The following SLC45A1 variants were observed in gnomAD, a reference collection of about 807,000 sequenced individuals.
SLC45A1 encodes proton-associated sugar transporter A.
A neutral mutation model predicts 57.6 loss-of-function variants in SLC45A1; 28 were observed. The observed-to-expected ratio is 0.49, with a 90% CI of 0.36 to 0.67. The LOEUF is 0.67. Ranked by LOEUF, SLC45A1 falls within the 30% of genes least tolerant of loss-of-function variation. The probability of loss-of-function intolerance (pLI) is 0.00; values close to 1 mark genes in which losing one functional copy is unlikely to be tolerated. For missense variants in SLC45A1, 814 were observed against 1,041.5 expected (o/e 0.78, Z 3.01); for synonymous variants, 459 against 471.5 (o/e 0.97, Z 0.34).
Position 8,337,962 on chromosome 1 carries a change from A to G in SLC45A1, c.1744A>G (p.Ile582Val), listed in dbSNP as rs1489069528. The G allele has an allele frequency of 1.9e-6, 3 of 1,614,014 alleles. No homozygotes were observed. Among genetic ancestry groups the G allele is most frequent in the Non-Finnish European group, 2.5e-6 (3 of 1,180,024 alleles). ...GACCATGGGCTGCTGGGGCATGTGT[A>G]TCTACGCCTTCAGTGCTGCCTTCTA... ...GVTMGCWGMC[I>V]YAFSAAFYSA... is the part of the protein sequence containing the mutation. The change falls in exon 7 of 9, where the codon ATC (isoleucine) becomes GTC (valine). Residue 582 changes from isoleucine (I) to valine (V), a missense_variant. By Grantham distance (29) the Ile-to-Val change is conservative. Transcript: ENST00000471889.
At position 8,335,615 on chromosome 1, in the gene SLC45A1, G is replaced by A. The variant is rs368168923; in HGVS notation, c.1597+25G>A. ...GGTGAGCTCCCGGCCAAGCCTCCCC[G>A]TGAGTCCTGGTCCTGCTCAGGGCTC... On this transcript the variant is annotated intron_variant, in intron 6 of 8. Coordinates refer to ENST00000471889, the MANE Select transcript of SLC45A1 (RefSeq NM_001080397.3). The surrounding 1 kb of genome is among the most constrained non-coding windows in gnomAD (Gnocchi z 4.1). 30 of 1,581,288 alleles carry A rather than the reference G, an allele frequency of 1.9e-5. No homozygotes were observed. Among genetic ancestry groups the A allele is most frequent in the African/African-American group, 5.4e-5 (4 of 74,458 alleles).
At position 8,326,220 on chromosome 1, in the gene SLC45A1, C is replaced by T. The variant is rs1207315525; in HGVS notation, c.715+178C>T. On this transcript the variant is annotated intron_variant, in intron 4 of 8. Coordinates refer to ENST00000471889, the MANE Select transcript of SLC45A1 (RefSeq NM_001080397.3). This position sits in a 1 kb window ranked among gnomAD's most constrained non-coding sequence, Gnocchi z 5.5. Reference sequence around the variant, plus strand: ...CTCACACAACACATATCAACCACAACCTATGCTGTTGACACATAAACAACA... The same window carrying T: ...CTCACACAACACATATCAACCACAATCTATGCTGTTGACACATAAACAACA... Among the ~76,000 whole-genome samples, 8 of 152,228 alleles carry T rather than the reference C, an allele frequency of 5.3e-5. No individual in the cohort carries two copies. The East Asian group carries it at 1.3e-3, about 26-fold the overall frequency.
At position 8,344,042 on chromosome 1, in the gene SLC45A1, G is replaced by A. The variant is rs371040756; in HGVS notation, c.*29G>A. 4.1e-5 allele frequency: 65 copies of A among 1,581,136 alleles called. No homozygotes were observed. In the African/African-American group the frequency reaches 4.4e-4, roughly 11 times the overall value. ...CGCGGAGCCTCGACTCCGGACACGC[G>A]CCTGCACCTGGGGGTCTGGAGCAGG... On this transcript the variant is annotated 3_prime_UTR_variant, in exon 9 of 9. Transcript: ENST00000471889.
chr1:8,332,790 C>T (rs1006115835), intron 5 of SLC45A1, among the ~76,000 whole-genome samples: 1 of 152,044 alleles, frequency 6.6e-6, no homozygotes, highest in Non-Finnish European at 1.5e-5. Context: ...GGATTACAGG[C>T]GTGAGCAACC....
intron 8 of SLC45A1, among the ~76,000 whole-genome samples, chr1:8,340,886 G>T (rs1011763579): frequency 6.6e-6 from 1 of 152,096 alleles, no homozygotes; most frequent in African/African-American, 2.4e-5. Context: ...AAAATAATCA[G>T]GCATAAATTA....
chr1:8,322,035 GTGGGTGGGTGGGTGGATGGATGGA>G (rs1557557391), intron 1 of SLC45A1, among the ~76,000 whole-genome samples: 1 of 69,708 alleles, frequency 1.4e-5, no homozygotes, highest in East Asian at 4.5e-4. Flanking sequence ...GGATGGGTGA[GTGGGTGGGTGGGTGGATGGATGGA>G]TGGGTGGGTG....
chr1:8,334,639 G>A (rs1014511177), intron 5 of SLC45A1, among the ~76,000 whole-genome samples: 1 of 152,076 alleles, frequency 6.6e-6, no homozygotes, highest in African/African-American at 2.4e-5. Flanking sequence ...GGAGGTCGAG[G>A]CTGCAGTGAG....
In SLC45A1 at chr1:8,343,860, G is replaced by C; in HGVS notation, c.2094G>C (p.Leu698=). ...QILVSLVLGP[L]TSAVGSANGV... ...TGGTCTCCCTGGTCCTGGGGCCCCT[G>C]ACCTCGGCCGTGGGCAGTGCCAACG... Residue 698 remains leucine (L), a synonymous_variant, in exon 9 of 9, where the codon CTG becomes CTC. Transcript: ENST00000471889. The surrounding 1 kb of genome is among the most constrained non-coding windows in gnomAD (Gnocchi z 7.7). 6.2e-7 allele frequency: 1 copy of C among 1,614,110 alleles called. No individual in the cohort carries two copies. Among genetic ancestry groups the C allele is most frequent in the Non-Finnish European group, 8.5e-7 (1 of 1,180,012 alleles).
In SLC45A1 at chr1:8,343,686, G is replaced by A. The variant is rs1316831074; in HGVS notation, c.1981-61G>A. Reference sequence around the variant, plus strand: ...CTCCTGGGCTCGCAGGACACACCGAGCTCGGTCACCCCGTGCTGGCCGCGG... The same window carrying A: ...CTCCTGGGCTCGCAGGACACACCGAACTCGGTCACCCCGTGCTGGCCGCGG... On this transcript the variant is annotated intron_variant, in intron 8 of 8. Transcript: ENST00000471889. This position sits in a 1 kb window ranked among gnomAD's most constrained non-coding sequence, Gnocchi z 7.7. 1.3e-6 allele frequency: 2 copies of A among 1,555,340 alleles called. No homozygotes were observed. The highest frequency in any genetic ancestry group is 2.3e-5 in the East Asian group (1 of 44,096).
intron 6 of SLC45A1, among the ~76,000 whole-genome samples, chr1:8,336,548 T>TA (rs1465936384): frequency 3.9e-5 from 6 of 152,306 alleles, no homozygotes; most frequent in Admixed American, 3.3e-4. Context: ...CCTATGACCT[T>TA]ACTCAGTATT....
chr1:8,343,208 C>T lies in SLC45A1; in HGVS notation c.1981-539C>T, dbSNP rs1002993342. On this transcript the variant is annotated intron_variant, in intron 8 of 8. Transcript: ENST00000471889. This position sits in a 1 kb window ranked among gnomAD's most constrained non-coding sequence, Gnocchi z 7.7. ...GGAAAGCCATGCCACCGCTCCCCAC[C>T]GTCACTCTGCACAGACCACACTCTC... Among the ~76,000 whole-genome samples, 14 of 152,184 alleles carry T rather than the reference C, an allele frequency of 9.2e-5. No homozygotes were observed. Among genetic ancestry groups the T allele is most frequent in the African/African-American group, 3.4e-4 (14 of 41,458 alleles).
In SLC45A1 at chr1:8,325,953, C is replaced by T. The variant is rs747114469; in HGVS notation, c.626C>T (p.Ser209Leu). ...GTGCTGATGGACTTTAGCGCCGACT[C>T]GGCGGACAACCCCAGCCACGCCTAC... The part of the protein sequence containing the change: ...GVVLMDFSAD[S>L]ADNPSHAYMM... The change falls in exon 4 of 9, where the codon TCG becomes TTG. Residue 209 changes from serine to leucine, a missense_variant. Physicochemically the swap from Ser to Leu is moderately radical, Grantham distance 145 (BLOSUM62 -2). Transcript: ENST00000471889. This position sits in a 1 kb window ranked among gnomAD's most constrained non-coding sequence, Gnocchi z 6.3. 1.5e-5 allele frequency: 25 copies of T among 1,613,272 alleles called. No homozygotes were observed. The highest frequency in any genetic ancestry group is 1.0e-4 in the Admixed American group (6 of 60,016).
At chr1:8,333,930 G>A (rs547391124) in intron 5 of SLC45A1, among the ~76,000 whole-genome samples, 1 of 152,234 alleles carries the variant, frequency 6.6e-6, no homozygotes, top group Non-Finnish European at 1.5e-5. Flanking sequence ...TCTGGAAAGG[G>A]TTTGAGGAAC....
chr1:8,321,042 A>ACTGG (rs1445544607), intron 1 of SLC45A1, among the ~76,000 whole-genome samples: 4 of 152,090 alleles, frequency 2.6e-5, no homozygotes, highest in Non-Finnish European at 5.9e-5. Flanking sequence ...CAGTGTTGGA[A>ACTGG]CTGGCGCTCT....
rs1040709164 is a variant in SLC45A1 at position 8,327,449 on chromosome 1, C to A, written c.715+1407C>A. ...TCTGGGGCTGGACGTATGGAAACTT[C>A]AAGAGAATTAGCTGCAAAGCAGTGC... On this transcript the variant is annotated intron_variant, in intron 4 of 8. Transcript: ENST00000471889. This position sits in a 1 kb window ranked among gnomAD's most constrained non-coding sequence, Gnocchi z 4.3. 6.6e-6 allele frequency among the ~76,000 whole-genome samples: 1 copy of A among 152,222 alleles called. No homozygotes were observed. The highest frequency in any genetic ancestry group is 2.4e-5 in the African/African-American group (1 of 41,532).
At chr1:8,342,710 A>T (rs1640865232) in intron 8 of SLC45A1, among the ~76,000 whole-genome samples, 1 of 152,166 alleles carries the variant, frequency 6.6e-6, no homozygotes, top group South Asian at 2.1e-4. Context: ...AGTCTGGGCA[A>T]CATAGTCAGA....
Position 8,341,451 on chromosome 1 carries a change from C to T in SLC45A1, c.1980+1753C>T, listed in dbSNP as rs573477948. On this transcript the variant is annotated intron_variant, in intron 8 of 8. Transcript: ENST00000471889. Reference sequence around the variant, plus strand: ...ACGGGAGGCTGAGGCAGGAGAATGGCGTGAATCTGGGAGGCGGAGCTTGCA... The same window carrying T: ...ACGGGAGGCTGAGGCAGGAGAATGGTGTGAATCTGGGAGGCGGAGCTTGCA... 1.2e-4 allele frequency among the ~76,000 whole-genome samples: 18 copies of T among 149,422 alleles called. No homozygotes were observed. In the East Asian group the frequency reaches 3.2e-3, roughly 27 times the overall value.
At chr1:8,320,668 T>C (rs1454118103) in intron 1 of SLC45A1, among the ~76,000 whole-genome samples, 2 of 139,102 alleles carry the variant, frequency 1.4e-5, no homozygotes, top group East Asian at 2.2e-4. Context: ...TCTCTCTCTC[T>C]CTCTCTCTGT....
chr1:8,323,977 C>T (rs1232324748), intron 1 of SLC45A1, among the ~76,000 whole-genome samples: 1 of 152,174 alleles, frequency 6.6e-6, no homozygotes, highest in Non-Finnish European at 1.5e-5. Context: ...GCCTGGTGTC[C>T]TTGGAGGCCG....
Sources: gnomAD v4.1 joint callset for allele counts (sites outside exome capture counted in the v4.1 genomes callset) on GRCh38, gnomAD v4.1.1 for gene constraint, Gnocchi (gnomAD v3.1) non-coding constraint, MANE v1.5 for transcripts, NCBI Gene and HGNC (gene_info 2026-07-23, HGNC 2026-07-21) for gene names.